The following SLIT3 variants were observed in gnomAD, a reference collection of about 807,000 sequenced individuals.
SLIT3 encodes the protein slit homolog 3 protein.
SLIT3 carries 68 observed loss-of-function variants against 184.0 expected under a neutral mutation model. The observed-to-expected ratio is 0.37, with a 90% CI of 0.30 to 0.45. The LOEUF (loss-of-function observed/expected upper bound fraction) is 0.45. SLIT3 is among the 20% of genes least tolerant of loss of function. The pLI, the probability that SLIT3 is intolerant of heterozygous loss-of-function variation, is 1.00. For missense variants in SLIT3, 1,707 were observed against 2,026.0 expected (o/e 0.84, Z 3.02); for synonymous variants, 831 against 828.6 (o/e 1.00, Z -0.05).
At chr5:168,718,677 T>TACACACACACACACACACACAC (rs1163238928) in intron 23 of SLIT3, among the ~76,000 whole-genome samples, 2 of 108,590 alleles carry the variant, frequency 1.8e-5, no homozygotes, top group African/African-American at 6.6e-5. Flanking sequence ...TATCCACCCA[T>TACACACACACACACACACACAC]ACACACACAC....
intron 23 of SLIT3, among the ~76,000 whole-genome samples, chr5:168,714,211 T>C (rs1305598145): frequency 6.6e-6 from 1 of 152,202 alleles, no homozygotes; most frequent in East Asian, 1.9e-4. Context: ...TAGCCTCTAG[T>C]TCATGAGGTT....
intron 23 of SLIT3, among the ~76,000 whole-genome samples, chr5:168,717,583 A>C (rs1762782232): frequency 6.6e-6 from 1 of 152,226 alleles, no homozygotes; most frequent in African/African-American, 2.4e-5. Context: ...AAGCACAGCA[A>C]CTAACCGGTA....
intron 1 of SLIT3, among the ~76,000 whole-genome samples, chr5:169,269,471 C>T (rs1293394545): frequency 6.6e-6 from 1 of 152,258 alleles, no homozygotes; most frequent in Non-Finnish European, 1.5e-5. Flanking sequence ...CCTCTGCACT[C>T]ACCAGGCTCA....
intron 1 of SLIT3, among the ~76,000 whole-genome samples, chr5:169,271,868 GA>G (rs1229052944): frequency 2.6e-5 from 4 of 152,210 alleles, no homozygotes; most frequent in African/African-American, 7.2e-5. Flanking sequence ...TTATGGGGTA[GA>G]GCTCTGAGGC....
At chr5:169,105,760 T>C (rs1760179718) in intron 4 of SLIT3, among the ~76,000 whole-genome samples, 1 of 152,204 alleles carries the variant, frequency 6.6e-6, no homozygotes, top group African/African-American at 2.4e-5. Context: ...TCCTGTTCCA[T>C]CCATGTTCCT....
chr5:168,764,195 C>G (rs937549563), intron 14 of SLIT3, among the ~76,000 whole-genome samples: 1 of 152,198 alleles, frequency 6.6e-6, no homozygotes, highest in South Asian at 2.1e-4. Flanking sequence ...TTTCTACAAC[C>G]TGGCAGAACA....
At chr5:169,273,251 G>A (rs886624093) in intron 1 of SLIT3, among the ~76,000 whole-genome samples, 7 of 152,182 alleles carry the variant, frequency 4.6e-5, no homozygotes, top group African/African-American at 1.4e-4. Flanking sequence ...AGGGAGGCAG[G>A]CACCCTTGAT....
At chr5:168,778,168 C>T (rs1177069292) in intron 12 of SLIT3, among the ~76,000 whole-genome samples, 1 of 152,198 alleles carries the variant, frequency 6.6e-6, no homozygotes, top group Admixed American at 6.5e-5. Flanking sequence ...ATCCTCTCTA[C>T]AGACTACATC....
chr5:169,164,160 A>G (rs186034187), intron 4 of SLIT3, among the ~76,000 whole-genome samples: 10 of 152,326 alleles, frequency 6.6e-5, no homozygotes, highest in Admixed American at 6.5e-4. Flanking sequence ...CACACATTCG[A>G]AAGTCTGGTC....
At chr5:169,027,940 G>A (rs1394333444) in intron 4 of SLIT3, among the ~76,000 whole-genome samples, 1 of 152,204 alleles carries the variant, frequency 6.6e-6, no homozygotes, top group Non-Finnish European at 1.5e-5. Context: ...TTACTGGCAG[G>A]AGGGAGAGTG....
chr5:169,137,010 C>G (rs536971805), intron 4 of SLIT3, among the ~76,000 whole-genome samples: 1 of 152,136 alleles, frequency 6.6e-6, no homozygotes. Context: ...GAGTGAGCCA[C>G]CACACCTGGC....
At chr5:168,998,860 T>C (rs1755604117) in intron 4 of SLIT3, among the ~76,000 whole-genome samples, 1 of 151,968 alleles carries the variant, frequency 6.6e-6, no homozygotes, top group Non-Finnish European at 1.5e-5. Flanking sequence ...CCAGTCCCAC[T>C]GAATCAGAAA....
intron 3 of SLIT3, among the ~76,000 whole-genome samples, chr5:169,214,214 G>A (rs574770498): frequency 2.6e-5 from 4 of 152,222 alleles, no homozygotes; most frequent in Non-Finnish European, 4.4e-5. Context: ...CTCAATATCT[G>A]GTTCCAAGTA....
intron 3 of SLIT3, among the ~76,000 whole-genome samples, chr5:169,239,672 GAT>G (rs1281159060): frequency 6.6e-6 from 1 of 151,638 alleles, no homozygotes; most frequent in Non-Finnish European, 1.5e-5. Context: ...TTTGTGTTTT[GAT>G]ATGTCTTGTC....
chr5:169,268,179 T>C (rs1766463842), intron 1 of SLIT3, among the ~76,000 whole-genome samples: 1 of 152,154 alleles, frequency 6.6e-6, no homozygotes, highest in African/African-American at 2.4e-5. Context: ...TGATGCGAAG[T>C]AATCACAGAA....
intron 4 of SLIT3, among the ~76,000 whole-genome samples, chr5:168,990,135 T>C (rs1755271290): frequency 6.6e-6 from 1 of 152,204 alleles, no homozygotes; most frequent in Non-Finnish European, 1.5e-5. Flanking sequence ...ACAGTCCAAC[T>C]GAGGCAAGAT....
rs186655563 is a variant in SLIT3 at position 169,208,910 on chromosome 5, C to T, written c.342-15360G>A. Among the ~76,000 whole-genome samples, 35 of 152,260 alleles carry T rather than the reference C, an allele frequency of 2.3e-4. No homozygotes were observed. In the East Asian group the frequency reaches 6.8e-3, roughly 29 times the overall value. ...ATAGGCATGGGCAAAGAGTTAATGT[C>T]TAAAACACCAAAAGCAATGGCAATA... On this transcript the variant is annotated intron_variant, in intron 3 of 35. Transcript: ENST00000519560.
chr5:169,244,205 C>T (rs977813456), intron 3 of SLIT3, among the ~76,000 whole-genome samples: 2 of 152,236 alleles, frequency 1.3e-5, no homozygotes, highest in African/African-American at 4.8e-5. Context: ...TGCTCACTCA[C>T]AGGAGATACA....
chr5:168,842,390 C>CT (rs36178262), intron 6 of SLIT3, among the ~76,000 whole-genome samples: 44 of 141,468 alleles, frequency 3.1e-4, no homozygotes, highest in South Asian at 6.6e-4. Flanking sequence ...GGAATGAGAA[C>CT]TTTTTTTTTT....
Sources: gnomAD v4.1 joint callset for allele counts (sites outside exome capture counted in the v4.1 genomes callset) on GRCh38, gnomAD v4.1.1 for gene constraint, MANE v1.5 for transcripts, NCBI Gene and HGNC (gene_info 2026-07-23, HGNC 2026-07-21) for gene names.